Variants in SSPN observed in about 807,000 individuals in gnomAD.
SSPN encodes the protein sarcospan.
Under a neutral mutation model 19.1 loss-of-function variants are expected in SSPN, and 15 were observed. The ratio of observed to expected loss-of-function variants is 0.78; its 90% CI spans 0.52 to 1.21. The LOEUF (loss-of-function observed/expected upper bound fraction) is 1.21. Among genes scored for constraint, SSPN ranks in the 50% most tolerant of loss-of-function variants. The pLI is 0.00. For synonymous variants in SSPN, 147 were observed against 140.3 expected (o/e 1.05, Z -0.34); for missense variants, 291 against 314.0 (o/e 0.93, Z 0.55).
chr12:26,176,584 CTTT>C (rs1944685281), intron 1 of SSPN, among the ~76,000 whole-genome samples: 1 of 152,184 alleles, frequency 6.6e-6, no homozygotes, highest in Non-Finnish European at 1.5e-5. Flanking sequence ...TCACTAACTT[CTTT>C]ATCAAAAATC....
At chr12:26,230,622 AG>A in intron 2 of SSPN, 88 bp from the exon 3 acceptor site, 1 of 1,463,650 alleles carries the variant, frequency 6.8e-7, no homozygotes, top group Non-Finnish European at 9.1e-7. Context: ...CTGGGAGGGA[AG>A]AAAAAGAACA....
chr12:26,195,533 T>G, upstream of SSPN: 1 of 1,256,192 alleles, frequency 8.0e-7, no homozygotes, highest in Non-Finnish European at 1.0e-6. Context: ...GGAGGCTCGG[T>G]GAGTCGGCTC....
chr12:26,215,323 T>C (rs1945035827), intron 1 of SSPN, among the ~76,000 whole-genome samples: 1 of 152,238 alleles, frequency 6.6e-6, no homozygotes. Context: ...ATACAGATTC[T>C]GTAGGCTGAT....
chr12:26,182,584 C>CT (rs1491228300), intron 1 of SSPN, among the ~76,000 whole-genome samples: 1 of 20,368 alleles, frequency 4.9e-5, no homozygotes, highest in African/African-American at 1.6e-4. Flanking sequence ...TCCCCTTCCC[C>CT]TTCCCTTCCC....
intron 1 of SSPN, among the ~76,000 whole-genome samples, chr12:26,148,451 TG>T (rs1223651138): frequency 4.6e-5 from 7 of 152,216 alleles, no homozygotes; most frequent in African/African-American, 7.2e-5. Context: ...GAGATAAAGA[TG>T]AACAAGGCAG....
intron 1 of SSPN, among the ~76,000 whole-genome samples, chr12:26,134,354 C>G (rs1009687192): frequency 2.6e-5 from 4 of 152,214 alleles, no homozygotes; most frequent in Non-Finnish European, 4.4e-5. Flanking sequence ...TCTCTGAGTT[C>G]CTGGACCAGA....
intron 1 of SSPN, among the ~76,000 whole-genome samples, chr12:26,207,578 A>G (rs866007085): frequency 1.3e-5 from 2 of 152,204 alleles, no homozygotes; most frequent in Non-Finnish European, 2.9e-5. Flanking sequence ...CCAACATGTC[A>G]TATTTTAATT....
At position 26,231,234 on chromosome 12, in the gene SSPN, T is replaced by A. The variant is rs1439307112; in HGVS notation, c.*158T>A. ...TTTTTATGAAACAAAAGAGCATTTC[T>A]TCAGGTTTCTATTGTATTTTTTTTA... On this transcript the variant is annotated 3_prime_UTR_variant, in exon 3 of 3. Coordinates refer to ENST00000242729, the MANE Select transcript of SSPN (RefSeq NM_005086.5). 51 of 1,130,656 alleles carry A rather than the reference T, an allele frequency of 4.5e-5. No individual in the cohort carries two copies. Among genetic ancestry groups the A allele is most frequent in the Non-Finnish European group, 5.6e-5 (47 of 840,524 alleles). The allele number at this position is 1,130,656 out of a possible 1,614,324, so 70.0% of individuals were successfully genotyped here. A position where few individuals can be genotyped will look rare whatever the true frequency, so the allele number is the denominator to read the frequency against.
chr12:26,131,852 T>C (rs1271691612), intron 1 of SSPN, among the ~76,000 whole-genome samples: 1 of 152,224 alleles, frequency 6.6e-6, no homozygotes, highest in East Asian at 1.9e-4. Context: ...AGACCTTAGG[T>C]AACTTGTCTG....
chr12:26,141,483 A>G (rs1565670571), intron 1 of SSPN, among the ~76,000 whole-genome samples: 1 of 152,186 alleles, frequency 6.6e-6, no homozygotes, highest in East Asian at 1.9e-4. Context: ...ATTTATTGTA[A>G]TTTGTTAGCA....
intron 1 of SSPN, chr12:26,123,664 C>A: frequency 6.2e-7 from 1 of 1,614,034 alleles, no homozygotes; most frequent in Non-Finnish European, 8.5e-7. Flanking sequence ...GATGCTGTTG[C>A]TCGGTTAAGG....
chr12:26,210,753 C>T lies in SSPN; in HGVS notation c.280-13540C>T, dbSNP rs145498258. ...TTTTTTCATTTTATAAGGGATGCTA[C>T]GTTTTATCCAGCATTTTACAGTGTT... On this transcript the variant is annotated intron_variant, in intron 1 of 2. Coordinates refer to ENST00000242729, the MANE Select transcript of SSPN (RefSeq NM_005086.5). 6.6e-5 allele frequency among the ~76,000 whole-genome samples: 10 copies of T among 152,186 alleles called. No homozygotes were observed. The East Asian group carries it at 1.3e-3, about 21-fold the overall frequency.
intron 1 of SSPN, among the ~76,000 whole-genome samples, chr12:26,174,076 G>A (rs1944668665): frequency 6.6e-6 from 1 of 152,118 alleles, no homozygotes; most frequent in South Asian, 2.1e-4. Context: ...GGAGGAAATG[G>A]CCAGGGTTTC....
upstream of SSPN, among the ~76,000 whole-genome samples, chr12:26,192,125 T>C (rs748551958): frequency 2.6e-5 from 4 of 152,226 alleles, no homozygotes; most frequent in Non-Finnish European, 5.9e-5. Context: ...AAGTTTGAGA[T>C]AGTCTGCAAA....
At chr12:26,190,468 C>T (rs183656057), upstream of SSPN, among the ~76,000 whole-genome samples, 3 of 152,314 alleles carry the variant, frequency 2.0e-5, no homozygotes, top group East Asian at 5.8e-4. Flanking sequence ...CCCAGGCCTC[C>T]AGTCTTTAAG....
chr12:26,179,919 C>CTTTTTTTTTTTT (rs10591596), intron 1 of SSPN: 3 of 68,266 alleles, frequency 4.4e-5, no homozygotes, highest in South Asian at 6.3e-4. Flanking sequence ...TTTAGCTAGG[C>CTTTTTTTTTTTT]TTTTTTTTTT....
intron 1 of SSPN, among the ~76,000 whole-genome samples, chr12:26,158,999 T>G (rs118040441): frequency 0.014 from 2,062 of 152,352 alleles, 18 homozygotes; most frequent in Non-Finnish European, 0.023. Context: ...ATGCTCTCCT[T>G]TGCCCTGTTG....
intron 1 of SSPN, among the ~76,000 whole-genome samples, chr12:26,132,373 C>T (rs1275492145): frequency 6.6e-6 from 1 of 152,128 alleles, no homozygotes; most frequent in Non-Finnish European, 1.5e-5. Context: ...TTAAATTTCT[C>T]TTAAGAGAAA....
At chr12:26,178,415 A>G (rs185054841) in intron 1 of SSPN, among the ~76,000 whole-genome samples, 2 of 152,238 alleles carry the variant, frequency 1.3e-5, no homozygotes, top group East Asian at 1.9e-4. Context: ...AGTGCTAGTA[A>G]TCATTATAGG....
Sources: gnomAD v4.1 joint callset for allele counts (sites outside exome capture counted in the v4.1 genomes callset) on GRCh38, gnomAD v4.1.1 for gene constraint, MANE v1.5 for transcripts, NCBI Gene and HGNC (gene_info 2026-07-23, HGNC 2026-07-21) for gene names.